Variants in FHOD3 observed in about 807,000 individuals in gnomAD.
FHOD3 encodes FH1/FH2 domain-containing protein 3.
Under a neutral mutation model 173.0 loss-of-function variants are expected in FHOD3, and 90 were observed. The observed-to-expected ratio is 0.52, with a 90% confidence interval of 0.44 to 0.62. The LOEUF is 0.62. Among genes scored for constraint, FHOD3 ranks in the 20% least tolerant of loss-of-function variants. FHOD3 has a pLI of 0.00. For synonymous variants in FHOD3, 828 were observed against 823.0 expected (o/e 1.01, Z -0.10); for missense variants, 1,945 against 2,034.7 (o/e 0.96, Z 0.85).
At chr18:36,432,074 A>G (rs1204838616) in intron 3 of FHOD3, among the ~76,000 whole-genome samples, 3 of 152,182 alleles carry the variant, frequency 2.0e-5, no homozygotes, top group Non-Finnish European at 4.4e-5. Flanking sequence ...TTGTTTGACC[A>G]AGCTAGCGCT....
chr18:36,765,403 G>A (rs971147072), intron 27 of FHOD3, among the ~76,000 whole-genome samples: 8 of 152,098 alleles, frequency 5.3e-5, no homozygotes, highest in African/African-American at 1.7e-4. Flanking sequence ...CAGTCTCTAC[G>A]TTCTTCTATA....
At chr18:36,756,039 T>A (rs2150213592) in intron 25 of FHOD3, among the ~76,000 whole-genome samples, 1 of 152,226 alleles carries the variant, frequency 6.6e-6, no homozygotes, top group South Asian at 2.1e-4. Flanking sequence ...AGATGCTCAG[T>A]AAAGTGGAGG....
intron 5 of FHOD3, among the ~76,000 whole-genome samples, chr18:36,541,740 T>C (rs2057230446): frequency 6.6e-6 from 1 of 152,152 alleles, no homozygotes; most frequent in African/African-American, 2.4e-5. Flanking sequence ...TGATTTCCTA[T>C]AACCTTTTAA....
chr18:36,557,057 T>C (rs756674379), intron 5 of FHOD3, among the ~76,000 whole-genome samples: 36 of 152,204 alleles, frequency 2.4e-4, no homozygotes, highest in Non-Finnish European at 8.8e-5. Context: ...TCTTTTTGTT[T>C]TGTTTCATAT....
intron 1 of FHOD3, among the ~76,000 whole-genome samples, chr18:36,324,842 G>A (rs555475550): frequency 2.6e-5 from 4 of 152,036 alleles, no homozygotes; most frequent in Admixed American, 1.3e-4. Context: ...ATAAAAACTC[G>A]ACACCTTTGT....
intron 3 of FHOD3, among the ~76,000 whole-genome samples, chr18:36,475,782 ACACACACACACACG>A (rs1328261510): frequency 2.0e-5 from 3 of 150,214 alleles, no homozygotes; most frequent in East Asian, 3.9e-4. Flanking sequence ...ACACACACAC[ACACACACACACACG>A]CATACATACA....
chr18:36,446,153 G>C (rs1162121319), intron 3 of FHOD3, among the ~76,000 whole-genome samples: 1 of 152,206 alleles, frequency 6.6e-6, no homozygotes, highest in Non-Finnish European at 1.5e-5. Context: ...CTTCCCCAAG[G>C]AGCGAGCAAG....
At chr18:36,622,412 A>C (rs1397707324) in intron 9 of FHOD3, among the ~76,000 whole-genome samples, 3 of 152,332 alleles carry the variant, frequency 2.0e-5, no homozygotes, top group South Asian at 2.1e-4. Flanking sequence ...AGACTGGTAG[A>C]AGTGGTTACA....
At chr18:36,492,103 C>T (rs1033941914) in intron 3 of FHOD3, among the ~76,000 whole-genome samples, 1 of 152,202 alleles carries the variant, frequency 6.6e-6, no homozygotes, top group Non-Finnish European at 1.5e-5. Context: ...TGGATGATAT[C>T]TGATCCTCCC....
At chr18:36,589,749 C>T (rs2059149651) in intron 6 of FHOD3, among the ~76,000 whole-genome samples, 1 of 152,174 alleles carries the variant, frequency 6.6e-6, no homozygotes, top group South Asian at 2.1e-4. Flanking sequence ...GCTTGGTTGT[C>T]TTGAGACCAC....
At chr18:36,608,947 T>C (rs1461813662) in intron 8 of FHOD3, among the ~76,000 whole-genome samples, 1 of 152,256 alleles carries the variant, frequency 6.6e-6, no homozygotes, top group Admixed American at 6.5e-5. Context: ...CTTCCACAGA[T>C]AGAGCTGCTA....
intron 3 of FHOD3, among the ~76,000 whole-genome samples, chr18:36,393,767 C>T (rs1464104869): frequency 1.3e-5 from 2 of 152,058 alleles, no homozygotes; most frequent in Non-Finnish European, 2.9e-5. Flanking sequence ...GTGATTGGGG[C>T]CAGAAGGCTT....
intron 5 of FHOD3, among the ~76,000 whole-genome samples, chr18:36,526,743 T>C (rs80327796): frequency 0.012 from 1,886 of 152,302 alleles, 42 homozygotes; most frequent in African/African-American, 0.042. Context: ...GCTTAATATA[T>C]AGTGTTTCAT....
At chr18:36,562,524 A>G (rs2058123704) in intron 5 of FHOD3, among the ~76,000 whole-genome samples, 1 of 152,256 alleles carries the variant, frequency 6.6e-6, no homozygotes, top group Non-Finnish European at 1.5e-5. Flanking sequence ...CTTAGCAAAT[A>G]TGGATGACAT....
chr18:36,487,180 G>A (rs1203062208), intron 3 of FHOD3, among the ~76,000 whole-genome samples: 1 of 152,126 alleles, frequency 6.6e-6, no homozygotes, highest in Non-Finnish European at 1.5e-5. Context: ...AGAATTGCTG[G>A]GTTGAACAGT....
At chr18:36,313,323 T>G (rs533786582) in intron 1 of FHOD3, among the ~76,000 whole-genome samples, 3 of 152,338 alleles carry the variant, frequency 2.0e-5, no homozygotes, top group South Asian at 4.1e-4. Context: ...TTCACTTTTA[T>G]TTTTGGTGCA....
At chr18:36,759,605 G>T (rs900172250) in intron 26 of FHOD3, among the ~76,000 whole-genome samples, 3 of 152,226 alleles carry the variant, frequency 2.0e-5, no homozygotes, top group Non-Finnish European at 4.4e-5. Context: ...CATTTCCTCT[G>T]CTGGTGTTAA....
At chr18:36,368,593 T>G (rs2146001583) in intron 2 of FHOD3, among the ~76,000 whole-genome samples, 1 of 152,246 alleles carries the variant, frequency 6.6e-6, no homozygotes, top group Non-Finnish European at 1.5e-5. Context: ...ATCTTTAGAA[T>G]GTCAATAATG....
At chr18:36,439,969 GT>G (rs1464949101) in intron 3 of FHOD3, among the ~76,000 whole-genome samples, 12 of 152,066 alleles carry the variant, frequency 7.9e-5, no homozygotes, top group African/African-American at 2.4e-5. Context: ...AATGTGAATC[GT>G]TTCTAGAAAT....
Sources: gnomAD v4.1 joint callset for allele counts (sites outside exome capture counted in the v4.1 genomes callset) on GRCh38, gnomAD v4.1.1 for gene constraint, MANE v1.5 for transcripts, NCBI Gene and HGNC (gene_info 2026-07-23, HGNC 2026-07-21) for gene names.